Variants in CCDC7 observed in about 807,000 individuals in gnomAD.
The protein encoded by CCDC7 is coiled-coil domain-containing protein 7.
A neutral mutation model predicts 196.9 loss-of-function variants in CCDC7; 183 were observed. The observed-to-expected ratio is 0.93, with a 90% CI of 0.82 to 1.05. The LOEUF is 1.05. Ranked by LOEUF, CCDC7 falls within the 50% of genes least tolerant of loss-of-function variation. The pLI, the probability that CCDC7 is intolerant of heterozygous loss-of-function variation, is 0.00. For missense variants in CCDC7, 1,540 were observed against 1,482.2 expected (o/e 1.04, Z -0.64); for synonymous variants, 525 against 484.6 (o/e 1.08, Z -1.10).
rs1012347898 is a variant in CCDC7, at chr10:32,820,890, C to G, written c.3182-3628C>G. 2.0e-3 allele frequency among the ~76,000 whole-genome samples: 301 copies of G among 152,198 alleles called. 4 individuals are homozygous for G. The highest frequency in any genetic ancestry group is 8.2e-4 in the Non-Finnish European group (56 of 68,018). On this transcript the variant is annotated intron_variant, in intron 31 of 41. Transcript: ENST00000639629. The stretch of plus-strand genomic sequence containing the variant: ...AGAAGAAAACCTAGGCAATACCATT[C>G]AGGACATAGGCATGGGTAAGGACTT...
chr10:32,570,988 A>G (rs1590032381), intron 15 of CCDC7, among the ~76,000 whole-genome samples: 1 of 145,398 alleles, frequency 6.9e-6, no homozygotes, highest in Admixed American at 7.2e-5. Flanking sequence ...TAAAAATCAC[A>G]CTTTTAAGGT....
At chr10:32,658,681 A>T (rs1013745890) in intron 20 of CCDC7, among the ~76,000 whole-genome samples, 1 of 152,194 alleles carries the variant, frequency 6.6e-6, no homozygotes, top group Non-Finnish European at 1.5e-5. Context: ...GTGGCCTTAA[A>T]TAAAGAAGTT....
rs532856174 is a variant in CCDC7 at position 32,589,887 on chromosome 10, G to A, written c.1801+5583G>A. 1.4e-3 allele frequency among the ~76,000 whole-genome samples: 219 copies of A among 151,650 alleles called. 1 individual carries two copies. The highest frequency in any genetic ancestry group is 5.0e-3 in the African/African-American group (208 of 41,378). The stretch of plus-strand genomic sequence containing the variant: ...GTTGCTACTCCTGCTGATTTTTTTG[G>A]TTTCCATTTGCATGGAATATGCTTT... On this transcript the variant is annotated intron_variant, in intron 18 of 41. Transcript: ENST00000639629.
At chr10:32,849,284 C>G (rs1489263703) in intron 39 of CCDC7, among the ~76,000 whole-genome samples, 2 of 152,074 alleles carry the variant, frequency 1.3e-5, no homozygotes, top group Admixed American at 6.6e-5. Context: ...CTTGGCTGGG[C>G]TAACTTATGC....
At chr10:32,840,002 G>A (rs1309320897) in intron 33 of CCDC7, among the ~76,000 whole-genome samples, 2 of 151,892 alleles carry the variant, frequency 1.3e-5, no homozygotes, top group Non-Finnish European at 2.9e-5. Flanking sequence ...TACAGCAAAA[G>A]CATTGCTAAG....
chr10:32,561,110 A>C (rs1468838535), intron 13 of CCDC7, among the ~76,000 whole-genome samples: 2 of 152,246 alleles, frequency 1.3e-5, no homozygotes, highest in Non-Finnish European at 2.9e-5. Flanking sequence ...CAACAAGAAG[A>C]GGTAACTATC....
chr10:32,590,048 A>G (rs1403105282), intron 18 of CCDC7, among the ~76,000 whole-genome samples: 1 of 151,454 alleles, frequency 6.6e-6, no homozygotes, highest in South Asian at 2.1e-4. Context: ...AGTTTAGTCT[A>G]TTTACATTCA....
At chr10:32,561,494 A>T (rs1161598571) in intron 13 of CCDC7, among the ~76,000 whole-genome samples, 2 of 152,298 alleles carry the variant, frequency 1.3e-5, no homozygotes, top group Middle Eastern at 3.4e-3. Flanking sequence ...GGATTAACAA[A>T]CTCACTCAAA....
intron 8 of CCDC7, among the ~76,000 whole-genome samples, chr10:32,489,415 T>C (rs928055126): frequency 7.2e-5 from 11 of 152,188 alleles, no homozygotes; most frequent in Non-Finnish European, 1.5e-4. Flanking sequence ...GTAGCTCTGA[T>C]GTCTGATGCA....
chr10:32,812,145 T>C (rs1462549519), intron 30 of CCDC7, among the ~76,000 whole-genome samples: 1 of 152,060 alleles, frequency 6.6e-6, no homozygotes, highest in Non-Finnish European at 1.5e-5. Context: ...ATATTCTAAA[T>C]AATCTGACTT....
At chr10:32,875,517 T>C (rs1189162820) in intron 41 of CCDC7, among the ~76,000 whole-genome samples, 2 of 152,056 alleles carry the variant, frequency 1.3e-5, no homozygotes, top group Non-Finnish European at 2.9e-5. Flanking sequence ...ACCAGTACCA[T>C]GCTGTTTTGG....
At chr10:32,646,158 GT>G (rs939637898) in intron 20 of CCDC7, among the ~76,000 whole-genome samples, 2 of 143,560 alleles carry the variant, frequency 1.4e-5, no homozygotes, top group African/African-American at 5.1e-5. Flanking sequence ...TCATGTAGGT[GT>G]TTATTGCTAT....
At chr10:32,864,509 T>C (rs1015580546) in intron 41 of CCDC7, among the ~76,000 whole-genome samples, 46 of 151,518 alleles carry the variant, frequency 3.0e-4, no homozygotes, top group Admixed American at 2.0e-4. Flanking sequence ...TACACACACA[T>C]ATATATTACA....
Position 32,618,996 on chromosome 10 carries a change from T to G in CCDC7, c.1802-15258T>G, listed in dbSNP as rs535932034. ...TTATTTCAAAAGACCTTTCTTCAAG[T>G]TCTGAGATTTTTTTCTTCTATTTAG... On this transcript the variant is annotated intron_variant, in intron 18 of 41. Transcript: ENST00000639629. 1.2e-4 allele frequency among the ~76,000 whole-genome samples: 18 copies of G among 152,204 alleles called. No homozygotes were observed. In the South Asian group the frequency reaches 3.7e-3, roughly 31 times the overall value.
chr10:32,567,828 A>G (rs778503449), exon 15 of CCDC7: 1 of 1,613,676 alleles, frequency 6.2e-7, no homozygotes, highest in South Asian at 1.1e-5. Flanking sequence ...AAGAAACAAG[A>G]AAATCACTGG....
chr10:32,721,970 T>C (rs1397999499), intron 25 of CCDC7, among the ~76,000 whole-genome samples: 2 of 152,126 alleles, frequency 1.3e-5, no homozygotes, highest in Admixed American at 1.3e-4. Context: ...GCTACACTAA[T>C]GGAATGAACT....
intron 5 of CCDC7, among the ~76,000 whole-genome samples, chr10:32,466,244 G>T (rs543398166): frequency 1.7e-5 from 2 of 120,490 alleles, no homozygotes; most frequent in African/African-American, 5.7e-5. Flanking sequence ...TTTTCAAGGA[G>T]TGTTTCTCTC....
At chr10:32,661,240 A>T (rs1174406359) in intron 20 of CCDC7, among the ~76,000 whole-genome samples, 4 of 148,392 alleles carry the variant, frequency 2.7e-5, no homozygotes, top group Non-Finnish European at 4.5e-5. Flanking sequence ...ATCACTGGCC[A>T]TCAGAGAAAT....
intron 9 of CCDC7, among the ~76,000 whole-genome samples, chr10:32,510,912 G>A (rs1005230526): frequency 6.6e-6 from 1 of 151,168 alleles, no homozygotes; most frequent in African/African-American, 2.4e-5. Context: ...ATCATATAGT[G>A]AAAACAGATG....
Sources: gnomAD v4.1 joint callset for allele counts (sites outside exome capture counted in the v4.1 genomes callset) on GRCh38, gnomAD v4.1.1 for gene constraint, MANE v1.5 for transcripts, NCBI Gene and HGNC (gene_info 2026-07-23, HGNC 2026-07-21) for gene names.